Variants in PDE1C observed in about 807,000 individuals in gnomAD.
The protein encoded by PDE1C is dual specificity calcium/calmodulin-dependent 3',5'-cyclic nucleotide phosphodiesterase 1C.
PDE1C carries 62 observed loss-of-function variants against 93.1 expected under a neutral mutation model. The ratio of observed to expected loss-of-function variants is 0.67; its 90% CI spans 0.54 to 0.82. The LOEUF (loss-of-function observed/expected upper bound fraction) is 0.82. PDE1C is among the 40% of genes least tolerant of loss of function. The probability of loss-of-function intolerance (pLI) is 0.00; values close to 1 mark genes in which losing one functional copy is unlikely to be tolerated. For synonymous variants in PDE1C, 325 were observed against 310.1 expected (o/e 1.05, Z -0.50); for missense variants, 742 against 884.6 (o/e 0.84, Z 2.04).
intron 17 of PDE1C, among the ~76,000 whole-genome samples, chr7:31,763,237 A>G (rs1015672765): frequency 6.6e-6 from 1 of 152,230 alleles, no homozygotes; most frequent in African/African-American, 2.4e-5. Flanking sequence ...GGGAATGCCC[A>G]ACCCTCAGCC....
At chr7:31,736,680 T>A in the PDE1C span, among the ~76,000 whole-genome samples, 1 of 152,220 alleles carries the variant, frequency 6.6e-6, no homozygotes, top group Non-Finnish European at 1.5e-5. Context: ...TGATCCTTCA[T>A]GCAAGGTTGA....
At position 32,270,291 on chromosome 7, in the gene PDE1C, C is replaced by CT. The variant is rs879266048; in HGVS notation, c.85+28359dup. The stretch of plus-strand genomic sequence containing the variant: ...GCAACTGTGTTTTCTTTCCTTCTTT[C>CT]TTTTTTTTTTTCTCTTTTTACAATA... On this transcript the variant is annotated intron_variant, in intron 1 of 18. Transcript: ENST00000396193. Among the ~76,000 whole-genome samples the CT allele has an allele frequency of 2.5e-3, 359 of 142,978 alleles. 3 individuals carry two copies. Among genetic ancestry groups the CT allele is most frequent in the African/African-American group, 5.3e-3 (207 of 39,126 alleles). The allele number at this position is 142,978 out of a possible 152,430, so 93.8% of individuals were successfully genotyped here. A position where few individuals can be genotyped will look rare whatever the true frequency, so the allele number is the denominator to read the frequency against.
At chr7:32,359,130 A>C (rs969708770) in intron 1 of PDE1C, among the ~76,000 whole-genome samples, 2 of 152,170 alleles carry the variant, frequency 1.3e-5, no homozygotes, top group Non-Finnish European at 2.9e-5. Flanking sequence ...TGCCTTCAGC[A>C]AAAATCCAGT....
chr7:31,824,191 G>A (rs1339032638), intron 13 of PDE1C, among the ~76,000 whole-genome samples: 1 of 152,124 alleles, frequency 6.6e-6, no homozygotes, highest in Non-Finnish European at 1.5e-5. Context: ...ATTAGTAGTA[G>A]TCGTAATAGT....
chr7:32,066,338 C>T (rs1233855550), intron 1 of PDE1C, among the ~76,000 whole-genome samples: 1 of 152,126 alleles, frequency 6.6e-6, no homozygotes, highest in Non-Finnish European at 1.5e-5. Context: ...AACTTAATAG[C>T]CATTCTCTTG....
At chr7:31,672,657 T>C in the PDE1C span, among the ~76,000 whole-genome samples, 3 of 152,172 alleles carry the variant, frequency 2.0e-5, no homozygotes, top group African/African-American at 4.8e-5. Flanking sequence ...ATAAAGACCA[T>C]TCAAATGAAA....
At chr7:32,330,509 G>C (rs577870656) in intron 1 of PDE1C, among the ~76,000 whole-genome samples, 1 of 152,316 alleles carries the variant, frequency 6.6e-6, no homozygotes, top group East Asian at 1.9e-4. Flanking sequence ...CTTAATGGAC[G>C]AGCTAAACCC....
At chr7:31,633,740 A>G in the PDE1C span, among the ~76,000 whole-genome samples, 3 of 152,200 alleles carry the variant, frequency 2.0e-5, no homozygotes, top group Non-Finnish European at 2.9e-5. Context: ...ATTTTGTACC[A>G]TTGGAGGACA....
chr7:31,627,563 C>CAGG, the PDE1C span, among the ~76,000 whole-genome samples: 1 of 145,128 alleles, frequency 6.9e-6, no homozygotes, highest in Non-Finnish European at 1.5e-5. Context: ...GAGGCTGAGG[C>CAGG]AGGAGGATTG....
chr7:32,236,399 T>C (rs1808081834), intron 1 of PDE1C, among the ~76,000 whole-genome samples: 1 of 152,080 alleles, frequency 6.6e-6, no homozygotes, highest in Non-Finnish European at 1.5e-5. Context: ...TATTTGCAAA[T>C]GACATATATG....
intron 2 of PDE1C, among the ~76,000 whole-genome samples, chr7:31,969,949 T>A (rs1453370896): frequency 2.0e-5 from 3 of 151,852 alleles, no homozygotes; most frequent in African/African-American, 7.2e-5. Context: ...CAATGAGAAC[T>A]CATGGACACA....
At chr7:32,316,287 A>G (rs1273818778) in intron 1 of PDE1C, among the ~76,000 whole-genome samples, 2 of 152,202 alleles carry the variant, frequency 1.3e-5, no homozygotes, top group Non-Finnish European at 2.9e-5. Context: ...AATGCACTGT[A>G]ACTATTCTCC....
intron 17 of PDE1C, among the ~76,000 whole-genome samples, chr7:31,760,772 AC>A (rs1794782979): frequency 6.6e-6 from 1 of 151,490 alleles, no homozygotes; most frequent in South Asian, 2.1e-4. Flanking sequence ...ACACACACAC[AC>A]ACACACACAC....
At position 31,891,066 on chromosome 7, in the gene PDE1C, C is replaced by T. The variant is rs143744537; in HGVS notation, c.129-10206G>A. On this transcript the variant is annotated intron_variant, in intron 2 of 17. Coordinates refer to ENST00000396191, the MANE Select transcript of PDE1C (RefSeq NM_001191057.4). ...TCAGAACTCTAAATGTCAAGAAATC[C>T]TGGAGAGCTAAATAGGGGTTGTCTG... Among the ~76,000 whole-genome samples the T allele has an allele frequency of 1.3e-3, 202 of 152,290 alleles. 2 individuals are homozygous for T. The highest frequency in any genetic ancestry group is 4.7e-3 in the African/African-American group (194 of 41,564).
intron 2 of PDE1C, among the ~76,000 whole-genome samples, chr7:31,892,762 A>G (rs553508393): frequency 6.6e-6 from 1 of 152,266 alleles, no homozygotes; most frequent in East Asian, 1.9e-4. Flanking sequence ...TCCTCTAGGG[A>G]GTGAACAGGG....
intron 2 of PDE1C, among the ~76,000 whole-genome samples, chr7:32,027,178 G>C (rs1039521483): frequency 1.3e-5 from 2 of 152,086 alleles, no homozygotes; most frequent in African/African-American, 4.8e-5. Context: ...GGGCGAGAAT[G>C]ATCTGTCAAT....
rs1228518339 is a variant in PDE1C at position 31,866,859 on chromosome 7, T to C, written c.610-1777A>G. ...ATTCCCACCTTGGACTCCTGTATCCTAGCCACCAGAAAGCCCCTAAACCCT... is the reference window on the plus strand; with the variant it reads ...ATTCCCACCTTGGACTCCTGTATCCCAGCCACCAGAAAGCCCCTAAACCCT... On this transcript the variant is annotated intron_variant, in intron 6 of 17. Transcript: ENST00000396191. Among the ~76,000 whole-genome samples, 3 of 152,158 alleles carry C rather than the reference T, an allele frequency of 2.0e-5. No individual in the cohort carries two copies. In the East Asian group the frequency reaches 5.8e-4, roughly 30 times the overall value.
intron 1 of PDE1C, among the ~76,000 whole-genome samples, chr7:32,403,713 C>T (rs1356652676): frequency 6.6e-6 from 1 of 152,104 alleles, no homozygotes; most frequent in Non-Finnish European, 1.5e-5. Flanking sequence ...ACGTCTTATA[C>T]CCCCACGCTT....
intron 1 of PDE1C, among the ~76,000 whole-genome samples, chr7:32,425,208 G>A (rs1188689099): frequency 6.6e-6 from 1 of 152,036 alleles, no homozygotes; most frequent in Non-Finnish European, 1.5e-5. Context: ...CAGGTTCTCT[G>A]CTATTCCACA....
Sources: gnomAD v4.1 joint callset for allele counts (sites outside exome capture counted in the v4.1 genomes callset) on GRCh38, gnomAD v4.1.1 for gene constraint, MANE v1.5 for transcripts, NCBI Gene and HGNC (gene_info 2026-07-23, HGNC 2026-07-21) for gene names.